C7: variants seen among roughly 807,000 people sequenced by gnomAD.
C7 encodes the protein complement C7.
In C7, 83 loss-of-function variants were observed where a neutral mutation model predicts 104.8. That is an observed-to-expected ratio of 0.79 (90% CI 0.66 to 0.95). The LOEUF (loss-of-function observed/expected upper bound fraction) is 0.95, where lower values mean the gene tolerates loss of function less well. Among genes scored for constraint, C7 ranks in the 40% least tolerant of loss-of-function variants. C7 has a pLI of 0.00. For synonymous variants in C7, 415 were observed against 360.6 expected, an observed-to-expected ratio of 1.15 and a Z score of -1.71; for missense variants, 1,070 against 1,011.2, an observed-to-expected ratio of 1.06 and a Z score of -0.79.
chr5:40,927,913 A>C (rs1187079476), intron 1 of C7, among the ~76,000 whole-genome samples: 1 of 152,156 alleles, frequency 6.6e-6, no homozygotes, highest in Non-Finnish European at 1.5e-5. Context: ...ACTTAAAAAA[A>C]TTATCATATG....
intron 16 of C7, 76 bp from the exon 17 acceptor site, chr5:40,979,649 C>A: frequency 8.2e-7 from 1 of 1,226,024 alleles, no homozygotes; most frequent in Non-Finnish European, 1.1e-6. Flanking sequence ...AAGCTCAGAG[C>A]ATCACTTTTC....
chr5:40,922,780 A>C lies in C7; in HGVS notation c.7-5800A>C, dbSNP rs1049813044. ...TTGGGAAAACTGGGCATCCATATTT[A>C]TAAGAATAAAACTAGATTCCTATCT... is the stretch of plus-strand genomic sequence containing the variant. On this transcript the variant is annotated intron_variant, in intron 1 of 17. Coordinates refer to ENST00000313164, the MANE Select transcript of C7 (RefSeq NM_000587.4). Among the ~76,000 whole-genome samples, 2 of 152,116 alleles carry C rather than the reference A, an allele frequency of 1.3e-5. 1 individual carries two copies. The highest frequency in any genetic ancestry group is 4.1e-4 in the South Asian group (2 of 4,834).
chr5:40,930,160 CTG>C (rs1371452577), intron 2 of C7, among the ~76,000 whole-genome samples: 1 of 150,954 alleles, frequency 6.6e-6, no homozygotes, highest in Non-Finnish European at 1.5e-5. Context: ...GTTTACACAT[CTG>C]TGTCTCTGTC....
At chr5:40,964,667 A>C in intron 13 of C7, 74 bp from the exon 14 acceptor site, 1 of 1,301,564 alleles carries the variant, frequency 7.7e-7, no homozygotes, top group East Asian at 2.3e-5. Context: ...TATAGACTGA[A>C]TATATGTAAA....
intron 13 of C7, among the ~76,000 whole-genome samples, chr5:40,963,325 C>G (rs1740461115): frequency 6.6e-6 from 1 of 152,176 alleles, no homozygotes; most frequent in African/African-American, 2.4e-5. Context: ...GTAATTTCTA[C>G]AAGTGATTAT....
intron 11 of C7, 25 bp downstream of exon 11, chr5:40,958,286 C>T (rs2111664324): frequency 7.1e-7 from 1 of 1,413,440 alleles, no homozygotes; most frequent in African/African-American, 1.4e-5. Flanking sequence ...TTTTCTCTAG[C>T]CACCCTGTAC....
At position 40,945,305 on chromosome 5, in the gene C7, T is replaced by C. The variant is rs564401414; in HGVS notation, c.675T>C (p.Phe225=). 5.0e-6 allele frequency: 8 copies of C among 1,609,762 alleles called. No homozygotes were observed. In the East Asian group the frequency reaches 8.9e-5, roughly 18 times the overall value. ...HTSSSRKRSF[F]RSSSSSSRSY... ...CATCTAGTCGGAAGCGCTCCTTTTT[T>C]AGATCTTCATCATCTTCTTCACGCA... The change falls in exon 7 of 18, where the codon TTT becomes TTC. Residue 225 remains phenylalanine, a synonymous_variant. Coordinates refer to ENST00000313164, the MANE Select transcript of C7 (RefSeq NM_000587.4).
chr5:40,926,858 C>T (rs1055890203), intron 1 of C7, among the ~76,000 whole-genome samples: 1 of 151,186 alleles, frequency 6.6e-6, no homozygotes, highest in Non-Finnish European at 1.5e-5. Flanking sequence ...CAATCTTTAT[C>T]AAAATTCTAA....
chr5:40,980,169 A>G (rs1252260838), intron 17 of C7: 4 of 337,516 alleles, frequency 1.2e-5, no homozygotes, highest in Non-Finnish European at 2.1e-5. Flanking sequence ...TGCCACCTTC[A>G]TGATTTTTAC....
Position 40,976,832 on chromosome 5 carries a change from C to A in C7, c.2157C>A (p.Tyr719Ter). The A allele has an allele frequency of 6.2e-7, 1 of 1,601,564 alleles. No individual in the cohort carries two copies. Residue 719 changes from tyrosine (Y) to a stop codon, truncating the protein, a stop_gained, in exon 16 of 18, where the codon TAC becomes TAA. Coordinates refer to ENST00000313164, the MANE Select transcript of C7 (RefSeq NM_000587.4). LOFTEE classifies it high-confidence loss of function. The part of the protein sequence containing the change: ...QNSRCVCKMP[Y>*]ECGPSLDVCA... The stretch of plus-strand genomic sequence containing the variant: ...CAAGATGTGTTTGTAAAATGCCCTA[C>A]GAATGTGGGTAAGTGCCGCCTTTGC...
In C7 at chr5:40,979,708, T is replaced by C. The variant is rs1326996114; in HGVS notation, c.2166-17T>C. ...AACAAAAATCTTGTAAATAATGTCA[T>C]TAAAAATTCTTTTCAGACCTTCCTT... On this transcript the variant is annotated splice_polypyrimidine_tract_variant and intron_variant, in intron 16 of 17. Coordinates refer to ENST00000313164, the MANE Select transcript of C7 (RefSeq NM_000587.4). The C allele has an allele frequency of 6.3e-6, 10 of 1,598,108 alleles. No individual in the cohort carries two copies. Among genetic ancestry groups the C allele is most frequent in the Non-Finnish European group, 8.5e-6 (10 of 1,170,210 alleles).
chr5:40,941,772 C>A (rs1579852545), intron 6 of C7, among the ~76,000 whole-genome samples: 1 of 152,228 alleles, frequency 6.6e-6, no homozygotes, highest in Middle Eastern at 3.4e-3. Context: ...GGGTAAAGAC[C>A]CATTTGCAGG....
chr5:40,948,272 A>G (rs182357316), intron 8 of C7, among the ~76,000 whole-genome samples: 1 of 152,242 alleles, frequency 6.6e-6, no homozygotes, highest in Admixed American at 6.5e-5. Context: ...CTCTCTGAAT[A>G]TCATAAGTTT....
chr5:40,926,430 GA>G (rs996463616), intron 1 of C7, among the ~76,000 whole-genome samples: 6 of 152,000 alleles, frequency 3.9e-5, no homozygotes, highest in African/African-American at 1.4e-4. Context: ...AATTAGGCAA[GA>G]AAAAGAAATG....
At chr5:40,929,766 A>G (rs2111575626) in intron 2 of C7, among the ~76,000 whole-genome samples, 1 of 152,216 alleles carries the variant, frequency 6.6e-6, no homozygotes, top group Middle Eastern at 3.4e-3. Flanking sequence ...CATGTACTTT[A>G]TTTTAGTGGA....
At chr5:40,935,123 C>T (rs1739785494) in intron 4 of C7, among the ~76,000 whole-genome samples, 1 of 152,166 alleles carries the variant, frequency 6.6e-6, no homozygotes, top group Admixed American at 6.5e-5. Flanking sequence ...CTCAGTGATA[C>T]CTGTTGAACG....
chr5:40,964,449 T>C (rs1740499766), intron 13 of C7: 1 of 206,084 alleles, frequency 4.9e-6, no homozygotes, highest in Non-Finnish European at 9.6e-6. Context: ...TTGGACAGTG[T>C]CCAAATAATT....
intron 2 of C7, among the ~76,000 whole-genome samples, chr5:40,930,503 G>C (rs1454893709): frequency 6.6e-6 from 1 of 150,998 alleles, no homozygotes; most frequent in Non-Finnish European, 1.5e-5. Flanking sequence ...ACCATACCCG[G>C]CCAATGACCT....
At chr5:40,959,369 A>G in intron 11 of C7, 80 bp from the exon 12 acceptor site, 7 of 1,269,012 alleles carry the variant, frequency 5.5e-6, no homozygotes, top group Non-Finnish European at 7.7e-6. Context: ...CCTCCAATTA[A>G]CTTGTTAGCA....
Sources: gnomAD v4.1 joint callset for allele counts (sites outside exome capture counted in the v4.1 genomes callset) on GRCh38, gnomAD v4.1.1 for gene constraint, MANE v1.5 for transcripts, NCBI Gene and HGNC (gene_info 2026-07-23, HGNC 2026-07-21) for gene names.